Variants in MBTPS1 observed in about 807,000 individuals in gnomAD.
MBTPS1 encodes the protein membrane-bound transcription factor site-1 protease.
In MBTPS1, 94 loss-of-function variants were observed where a neutral mutation model predicts 127.8. The observed-to-expected ratio is 0.74, with a 90% confidence interval of 0.62 to 0.87. The LOEUF (loss-of-function observed/expected upper bound fraction) is 0.87. Among genes scored for constraint, MBTPS1 ranks in the 40% least tolerant of loss-of-function variants. The pLI is 0.00. For missense variants in MBTPS1, 1,636 were observed against 1,353.2 expected, an observed-to-expected ratio of 1.21 and a Z score of -3.28; for synonymous variants, 632 against 509.4, an observed-to-expected ratio of 1.24 and a Z score of -3.24.
At position 84,066,583 on chromosome 16, in the gene MBTPS1, A is replaced by G. The variant is rs2151145086; in HGVS notation, c.2259T>C (p.Ala753=). The G allele has an allele frequency of 6.2e-7, 1 of 1,614,192 alleles. No homozygotes were observed. The highest frequency in any genetic ancestry group is 2.2e-5 in the East Asian group (1 of 44,884). ...GCAGCTCATTCAGAGCTGGGATGTT[A>G]GCTCCTCCGGTATCCGGCATCCACC... ...RQWWMPDTGG[A]NIPALNELLS... is the part of the protein sequence containing the mutation. Residue 753 remains alanine, a synonymous_variant, in exon 17 of 23, where the codon GCT becomes GCC. Transcript: ENST00000343411.
At chr16:84,091,371 G>A (rs758073815) in intron 7 of MBTPS1, among the ~76,000 whole-genome samples, 6 of 151,500 alleles carry the variant, frequency 4.0e-5, no homozygotes, top group African/African-American at 1.5e-4. Context: ...CTGTAATCCC[G>A]GCTACTTGGG....
chr16:84,070,051 A>G lies in MBTPS1; in HGVS notation c.1783-13T>C, dbSNP rs2085748160. On this transcript the variant is annotated splice_polypyrimidine_tract_variant and intron_variant, in intron 13 of 22. Transcript: ENST00000343411. ...CACCATTTTTTGACTAAAAAAAAAG[A>G]AAAGAAACTTGAAACGCCCTCATTG... 1 of 1,556,316 alleles carries G rather than the reference A, an allele frequency of 6.4e-7. No homozygotes were observed. Among genetic ancestry groups the G allele is most frequent in the East Asian group, 2.3e-5 (1 of 44,074 alleles).
At chr16:84,070,414 C>T (rs1248539503) in intron 13 of MBTPS1, among the ~76,000 whole-genome samples, 174 bp downstream of exon 13, 2 of 152,226 alleles carry the variant, frequency 1.3e-5, no homozygotes, top group African/African-American at 2.4e-5. Flanking sequence ...GACTGAGCTA[C>T]TTCTTCAAAC....
intron 1 of MBTPS1, among the ~76,000 whole-genome samples, chr16:84,102,790 C>T (rs3785026): frequency 0.14 from 21,424 of 152,170 alleles, 2,595 homozygotes; most frequent in African/African-American, 0.33. Flanking sequence ...TATTTAACAC[C>T]TTCTTTAAGA....
intron 1 of MBTPS1, chr16:84,109,706 C>T (rs1186966095): frequency 2.0e-5 from 3 of 152,150 alleles, no homozygotes; most frequent in Non-Finnish European, 4.4e-5. Context: ...GAGCTACTGC[C>T]CCAGATTGAA....
intron 1 of MBTPS1, among the ~76,000 whole-genome samples, chr16:84,103,751 GTTT>G (rs1334720463): frequency 5.3e-5 from 8 of 152,066 alleles, no homozygotes; most frequent in Non-Finnish European, 8.8e-5. Flanking sequence ...TCCAAAAAAC[GTTT>G]TTACTTTTAC....
At chr16:84,072,163 C>G (rs2085779721) in intron 12 of MBTPS1, 1 of 152,312 alleles carries the variant, frequency 6.6e-6, no homozygotes, top group South Asian at 2.1e-4. Context: ...ACTGACAGCA[C>G]TACGGCGTGG....
At chr16:84,055,663 G>A (rs192722049) in intron 22 of MBTPS1, among the ~76,000 whole-genome samples, 6 of 141,326 alleles carry the variant, frequency 4.2e-5, no homozygotes, top group East Asian at 2.2e-4. Context: ...CAGCAGACAG[G>A]CATCCTGTAA....
intron 4 of MBTPS1, among the ~76,000 whole-genome samples, chr16:84,094,665 A>T (rs1057398103): frequency 1.3e-5 from 2 of 152,258 alleles, no homozygotes; most frequent in Non-Finnish European, 2.9e-5. Flanking sequence ...TGCTACTTTT[A>T]AAAAATGCAC....
intron 6 of MBTPS1, among the ~76,000 whole-genome samples, chr16:84,092,254 A>G (rs1329739918): frequency 6.6e-6 from 1 of 152,228 alleles, no homozygotes; most frequent in Non-Finnish European, 1.5e-5. Context: ...CTTCATTCCT[A>G]AACAGACTGA....
In MBTPS1 at chr16:84,089,746, C is replaced by T. The variant is rs184056396; in HGVS notation, c.1031+1129G>A. ...TTCCACACCTAGTTTCACCCATGTC[C>T]ATGCTGGAAGAGCTGGGGTGGGAAA... On this transcript the variant is annotated intron_variant, in intron 8 of 22. Coordinates refer to ENST00000343411, the MANE Select transcript of MBTPS1 (RefSeq NM_003791.4). Among the ~76,000 whole-genome samples the T allele has an allele frequency of 2.1e-4, 32 of 152,306 alleles. No homozygotes were observed. The East Asian group carries it at 5.8e-3, about 28-fold the overall frequency.
At chr16:84,101,357 G>A (rs2086252096) in intron 2 of MBTPS1, among the ~76,000 whole-genome samples, 1 of 151,964 alleles carries the variant, frequency 6.6e-6, no homozygotes, top group African/African-American at 2.4e-5. Flanking sequence ...CAGGGACGGT[G>A]GCAGTCACCT....
chr16:84,081,381 T>C (rs1457997050), intron 11 of MBTPS1: 1 of 159,276 alleles, frequency 6.3e-6, no homozygotes, highest in Admixed American at 6.5e-5. Context: ...ACTCCACTCA[T>C]CTGAAATGGT....
At chr16:84,091,223 C>T (rs3785022) in intron 7 of MBTPS1, among the ~76,000 whole-genome samples, 26,542 of 152,012 alleles carry the variant, frequency 0.17, 2,617 homozygotes, top group East Asian at 0.3. Flanking sequence ...TGGTGGCTCA[C>T]GCCTGTAATC....
intron 18 of MBTPS1, among the ~76,000 whole-genome samples, chr16:84,064,693 C>T (rs1302041646): frequency 1.3e-5 from 2 of 152,168 alleles, no homozygotes; most frequent in Non-Finnish European, 2.9e-5. Context: ...ATGAGAAATG[C>T]TTTTAGAAAG....
chr16:84,103,214 G>T (rs1329337170), intron 1 of MBTPS1, among the ~76,000 whole-genome samples: 1 of 151,882 alleles, frequency 6.6e-6, no homozygotes, highest in Non-Finnish European at 1.5e-5. Flanking sequence ...AATGAAGCAA[G>T]AGAGGCCTTC....
In MBTPS1 at chr16:84,102,410, T is replaced by C. The variant is rs118061854; in HGVS notation, c.-324-303A>G. Reference sequence around the variant, plus strand: ...GCCATACAACCATGAAACATATTATTTCATTTTTATTTACTTATTACTCAC... The same window carrying C: ...GCCATACAACCATGAAACATATTATCTCATTTTTATTTACTTATTACTCAC... On this transcript the variant is annotated intron_variant, in intron 1 of 22. Transcript: ENST00000343411. 1.2e-3 allele frequency among the ~76,000 whole-genome samples: 177 copies of C among 152,340 alleles called. 1 individual carries two copies. The highest frequency in any genetic ancestry group is 3.4e-3 in the Middle Eastern group (1 of 294).
At chr16:84,062,715 C>T (rs191761869) in intron 19 of MBTPS1, among the ~76,000 whole-genome samples, 2 of 152,340 alleles carry the variant, frequency 1.3e-5, no homozygotes, top group Non-Finnish European at 2.9e-5. Context: ...TGTGCCCAAC[C>T]TCAAGCCCCC....
chr16:84,094,089 A>G (rs1001277480), intron 4 of MBTPS1, among the ~76,000 whole-genome samples: 3 of 152,002 alleles, frequency 2.0e-5, no homozygotes, highest in Non-Finnish European at 4.4e-5. Flanking sequence ...ACCCTCCTCA[A>G]TTGCCACCAG....
Sources: allele counts gnomAD v4.1 joint callset (sites outside exome capture counted in the v4.1 genomes callset), GRCh38; gene constraint gnomAD v4.1.1; transcripts MANE v1.5; gene names NCBI Gene and HGNC (gene_info 2026-07-23, HGNC 2026-07-21).